HNRNPA2B1: variants seen among roughly 807,000 people sequenced by gnomAD.
HNRNPA2B1 encodes the protein heterogeneous nuclear ribonucleoproteins A2/B1.
A neutral mutation model predicts 46.3 loss-of-function variants in HNRNPA2B1; 3 were observed. That is an observed-to-expected ratio of 0.06 (90% CI 0.03 to 0.17). The LOEUF (loss-of-function observed/expected upper bound fraction) is 0.17, where lower values mean the gene tolerates loss of function less well. HNRNPA2B1 is among the 10% of genes least tolerant of loss of function. HNRNPA2B1 has a pLI of 1.00. For missense variants in HNRNPA2B1, 221 were observed against 418.9 expected, an observed-to-expected ratio of 0.53 and a Z score of 4.12; for synonymous variants, 225 against 133.8, an observed-to-expected ratio of 1.68 and a Z score of -4.70.
intron 7 of HNRNPA2B1, among the ~76,000 whole-genome samples, chr7:26,194,576 C>A (rs968193478): frequency 6.6e-6 from 1 of 151,752 alleles, no homozygotes; most frequent in African/African-American, 2.4e-5. Flanking sequence ...GTGGCACACC[C>A]CGTAGTTCCA....
chr7:26,191,725 A>G lies in HNRNPA2B1; in HGVS notation c.*635T>C, dbSNP rs942123302. ...ATTTAATCCTGATGAATTGCAGACA[A>G]CACACTTACATCTGACCAGCATTTA... On this transcript the variant is annotated 3_prime_UTR_variant, in exon 11 of 11. Transcript: ENST00000618183. 1 of 152,356 alleles carries G rather than the reference A, an allele frequency of 6.6e-6. No individual in the cohort carries two copies. The highest frequency in any genetic ancestry group is 2.1e-4 in the South Asian group (1 of 4,838). 9.4% of individuals were successfully genotyped at this position (152,356 alleles called of 1,614,324 possible).
intron 3 of HNRNPA2B1, 105 bp from the exon 4 acceptor site, chr7:26,197,122 T>C: frequency 9.1e-7 from 1 of 1,098,900 alleles, no homozygotes; most frequent in Admixed American, 2.3e-5. Context: ...ACCTTAAAAC[T>C]ACCAGATATA....
chr7:26,196,718 A>G (rs1214881088), intron 4 of HNRNPA2B1, 60 bp from the exon 5 acceptor site: 27 of 1,570,024 alleles, frequency 1.7e-5, no homozygotes, highest in Non-Finnish European at 2.2e-5. Context: ...CAGCTTCAAA[A>G]GTTTACCTTT....
chr7:26,191,676 G>A lies in HNRNPA2B1; in HGVS notation c.*684C>T, dbSNP rs899805153. The A allele has an allele frequency of 6.6e-6, 1 of 152,190 alleles. No individual in the cohort carries two copies. The highest frequency in any genetic ancestry group is 1.5e-5 in the Non-Finnish European group (1 of 68,010). 9.4% of individuals were successfully genotyped at this position (152,190 alleles called of 1,614,324 possible). On this transcript the variant is annotated 3_prime_UTR_variant, in exon 11 of 11. Transcript: ENST00000618183. The stretch of plus-strand genomic sequence containing the variant: ...CTAAAAAGGTGTTTCTCCTTGCAGA[G>A]ATATCCCTTAAGTTATCTACATAAT...
At chr7:26,194,956 T>C (rs1311000130) in intron 7 of HNRNPA2B1, among the ~76,000 whole-genome samples, 2 of 151,130 alleles carry the variant, frequency 1.3e-5, no homozygotes, top group East Asian at 3.9e-4. Flanking sequence ...TAGCTGGGCG[T>C]GGTGGTGCAC....
In HNRNPA2B1 at chr7:26,196,740, C is replaced by A; in HGVS notation, c.475+67G>T. ...AAAAGTTTACCTTTCAATAAAGTTA[C>A]AGATGTTAACATACACAAAATTGAA... On this transcript the variant is annotated intron_variant, in intron 4 of 10. Transcript: ENST00000618183. The A allele has an allele frequency of 3.9e-6, 6 of 1,558,402 alleles. No homozygotes were observed. In the South Asian group the frequency reaches 6.7e-5, roughly 17 times the overall value.
rs1020283825 is a variant in HNRNPA2B1 at position 26,197,209 on chromosome 7, A to G, written c.264+106T>C. ...GGTCCAGAAACCCAACACACCTTTAATAAGAGAAAAAATCTTGAGTTAAAA... is the reference window on the plus strand; with the variant it reads ...GGTCCAGAAACCCAACACACCTTTAGTAAGAGAAAAAATCTTGAGTTAAAA... On this transcript the variant is annotated intron_variant, in intron 3 of 10. Transcript: ENST00000618183. 1.0e-5 allele frequency: 14 copies of G among 1,375,330 alleles called. No homozygotes were observed. The Admixed American group carries it at 1.6e-4, about 16-fold the overall frequency. 85.2% of individuals were successfully genotyped at this position (1,375,330 alleles called of 1,614,324 possible).
Position 26,193,443 on chromosome 7 carries a change from AAAAC to A in HNRNPA2B1, c.842-74_842-71del, listed in dbSNP as rs1235490085. ...AAGGACTTAGGACAAAGCTCCCATA[AAAAC>A]AAATAAAAGCAAACACTTATCCACA... On this transcript the variant is annotated intron_variant, in intron 8 of 10. Coordinates refer to ENST00000618183, the MANE Select transcript of HNRNPA2B1 (RefSeq NM_002137.4). 2.6e-6 allele frequency: 4 copies of A among 1,544,774 alleles called. No individual in the cohort carries two copies. The African/African-American group carries it at 4.2e-5, about 16-fold the overall frequency.
intron 1 of HNRNPA2B1, chr7:26,198,915 T>C (rs1313906920): frequency 6.6e-6 from 1 of 152,210 alleles, no homozygotes; most frequent in African/African-American, 2.4e-5. Context: ...TAAAAAGTAG[T>C]GGTAAAACCC....
chr7:26,196,714 CAA>C (rs1466369346), intron 4 of HNRNPA2B1, 56 bp from the exon 5 acceptor site: 8 of 1,570,172 alleles, frequency 5.1e-6, no homozygotes, highest in Non-Finnish European at 7.0e-6. Flanking sequence ...TAAGCAGCTT[CAA>C]AAGTTTACCT....
chr7:26,194,668 G>A (rs1319987070), intron 7 of HNRNPA2B1, among the ~76,000 whole-genome samples: 2 of 151,672 alleles, frequency 1.3e-5, no homozygotes, highest in African/African-American at 4.8e-5. Flanking sequence ...ACTCCAGTCT[G>A]AGCAACAAAG....
Position 26,200,638 on chromosome 7 carries a change from C to T in HNRNPA2B1, c.-61G>A. The T allele has an allele frequency of 6.2e-7, 1 of 1,610,556 alleles. No homozygotes were observed. Among genetic ancestry groups the T allele is most frequent in the Non-Finnish European group, 8.5e-7 (1 of 1,178,096 alleles). On this transcript the variant is annotated 5_prime_UTR_variant, in exon 1 of 11. Transcript: ENST00000618183. ...CCGAGCGAGATGAGAGAGATCTCCG[C>T]GGACGAACACGAACCGGACTCGTCC...
At position 26,190,667 on chromosome 7, in the gene HNRNPA2B1, T is replaced by C. The variant is rs1294631823; in HGVS notation, c.*1693A>G. The stretch of plus-strand genomic sequence containing the variant: ...GAATTTCAACAGCCAACCTACAACT[T>C]TCTCTTCAGGGTAAGACACTGAACT... On this transcript the variant is annotated 3_prime_UTR_variant, in exon 11 of 11. Coordinates refer to ENST00000618183, the MANE Select transcript of HNRNPA2B1 (RefSeq NM_002137.4). 1.3e-5 allele frequency: 2 copies of C among 152,212 alleles called. No homozygotes were observed. The highest frequency in any genetic ancestry group is 4.8e-5 in the African/African-American group (2 of 41,454). The allele number at this position is 152,212 out of a possible 1,614,324, so 9.4% of individuals were successfully genotyped here.
chr7:26,200,641 A>T lies in HNRNPA2B1; in HGVS notation c.-64T>A, dbSNP rs749752749. On this transcript the variant is annotated 5_prime_UTR_variant, in exon 1 of 11. Transcript: ENST00000618183. ...AGCGAGATGAGAGAGATCTCCGCGGACGAACACGAACCGGACTCGTCCTGG... is the reference window on the plus strand; with the variant it reads ...AGCGAGATGAGAGAGATCTCCGCGGTCGAACACGAACCGGACTCGTCCTGG... 1 of 1,609,468 alleles carries T rather than the reference A, an allele frequency of 6.2e-7. No homozygotes were observed. The highest frequency in any genetic ancestry group is 1.3e-5 in the African/African-American group (1 of 74,882).
chr7:26,200,080 C>T, intron 1 of HNRNPA2B1: 1 of 173,022 alleles, frequency 5.8e-6, no homozygotes, highest in Non-Finnish European at 1.3e-5. Flanking sequence ...AGAAAGCACA[C>T]TAAGAAAATA....
chr7:26,192,422 T>C, intron 10 of HNRNPA2B1, 73 bp downstream of exon 10: 2 of 972,266 alleles, frequency 2.1e-6, no homozygotes, highest in Non-Finnish European at 3.3e-6. Context: ...GATAACATGA[T>C]CCTAAAAAGC....
At chr7:26,194,045 C>T (rs887384250) in intron 7 of HNRNPA2B1, among the ~76,000 whole-genome samples, 12 of 152,204 alleles carry the variant, frequency 7.9e-5, no homozygotes, top group Non-Finnish European at 1.5e-4. Context: ...GCACTTCCTC[C>T]TACTGGCCCA....
At chr7:26,192,654 T>C (rs751029422) in intron 9 of HNRNPA2B1, 77 bp from the exon 10 acceptor site, 127 of 1,157,496 alleles carry the variant, frequency 1.1e-4, no homozygotes, top group Non-Finnish European at 1.5e-4. Flanking sequence ...CAGTTGATTC[T>C]ATTTTATATC....
At chr7:26,199,990 C>T (rs981706941) in intron 1 of HNRNPA2B1, 2 of 155,014 alleles carry the variant, frequency 1.3e-5, no homozygotes, top group Non-Finnish European at 2.9e-5. Context: ...GCTCACAAAA[C>T]ACTCCAAATC....
Sources: allele counts gnomAD v4.1 joint callset (sites outside exome capture counted in the v4.1 genomes callset), GRCh38; gene constraint gnomAD v4.1.1; transcripts MANE v1.5; gene names NCBI Gene and HGNC (gene_info 2026-07-23, HGNC 2026-07-21).